Variants in SYS1 observed in about 807,000 individuals in gnomAD.
SYS1 encodes SYS1 golgi trafficking protein.
A neutral mutation model predicts 17.8 loss-of-function variants in SYS1; 8 were observed. The ratio of observed to expected loss-of-function variants is 0.45; its 90% CI spans 0.26 to 0.81. SYS1 has a LOEUF of 0.81. Among genes scored for constraint, SYS1 ranks in the 40% least tolerant of loss-of-function variants. The probability of loss-of-function intolerance (pLI) is 0.16; values close to 1 mark genes in which losing one functional copy is unlikely to be tolerated. For missense variants in SYS1, 161 were observed against 203.9 expected, an observed-to-expected ratio of 0.79 and a Z score of 1.28; for synonymous variants, 95 against 90.9, an observed-to-expected ratio of 1.05 and a Z score of -0.26.
chr20:45,367,510 C>A lies in SYS1; in HGVS notation c.*395C>A. 2.0e-6 allele frequency: 2 copies of A among 1,017,304 alleles called. No individual in the cohort carries two copies. The highest frequency in any genetic ancestry group is 2.4e-6 in the Non-Finnish European group (2 of 847,614). The allele number at this position is 1,017,304 out of a possible 1,614,324, so 63.0% of individuals were successfully genotyped here. On this transcript the variant is annotated 3_prime_UTR_variant, in exon 4 of 4. Coordinates refer to ENST00000243918, the MANE Select transcript of SYS1 (RefSeq NM_033542.4). ...TCTTACCCCCCTGGGACAGCTGTTA[C>A]CTTTGCAGTGTTGCCGAATCACAGC...
At chr20:45,373,622 G>A, downstream of SYS1, 4 of 452,922 alleles carry the variant, frequency 8.8e-6, no homozygotes, top group Non-Finnish European at 1.2e-5. Flanking sequence ...CCTCTTGCGA[G>A]CTCGCGGGGC....
At chr20:45,371,608 C>A (rs1988562499), downstream of SYS1, among the ~76,000 whole-genome samples, 1 of 152,226 alleles carries the variant, frequency 6.6e-6, no homozygotes, top group African/African-American at 2.4e-5. Flanking sequence ...GCCTGTCTGC[C>A]TCATCTGCTT....
At chr20:45,363,390 T>G in intron 1 of SYS1, 75 bp downstream of exon 1, 1 of 1,433,092 alleles carries the variant, frequency 7.0e-7, no homozygotes, top group Non-Finnish European at 9.2e-7. Flanking sequence ...CCCCTCACTC[T>G]GAGAATGGGT....
At chr20:45,373,557 A>G (rs540359483), downstream of SYS1, 1 of 325,508 alleles carries the variant, frequency 3.1e-6, no homozygotes, top group South Asian at 4.2e-5. Flanking sequence ...TGCTCCTGCC[A>G]CTTTCTAGCT....
downstream of SYS1, among the ~76,000 whole-genome samples, chr20:45,371,703 G>T (rs1439404751): frequency 6.6e-6 from 1 of 152,336 alleles, no homozygotes; most frequent in East Asian, 1.9e-4. Flanking sequence ...TTAGCAAAAG[G>T]TTGTGAATGT....
chr20:45,373,938 T>G (rs1464623861), downstream of SYS1: 1 of 1,613,978 alleles, frequency 6.2e-7, no homozygotes. Flanking sequence ...TCGCCACCCA[T>G]TCCTCCCCTT....
chr20:45,365,525 G>A (rs764650258), intron 2 of SYS1, 94 bp from the exon 3 acceptor site: 2 of 1,214,922 alleles, frequency 1.6e-6, no homozygotes, highest in Non-Finnish European at 2.5e-6. Context: ...TCTGTGCTCT[G>A]GGAAGAATGC....
At chr20:45,373,711 C>A (rs1265754000), downstream of SYS1, 1 of 547,184 alleles carries the variant, frequency 1.8e-6, no homozygotes, top group Non-Finnish European at 3.1e-6. Flanking sequence ...GACTAGCTCG[C>A]GGAGGTGGGG....
exon 4 of SYS1, chr20:45,375,759 G>T: frequency 1.7e-6 from 1 of 603,868 alleles, no homozygotes; most frequent in Non-Finnish European, 2.9e-6. Flanking sequence ...GAAGGTGAAA[G>T]CCATGACTAG....
At chr20:45,373,735 C>T (rs1988628637), downstream of SYS1, 2 of 612,572 alleles carry the variant, frequency 3.3e-6, no homozygotes, top group Admixed American at 2.8e-5. Flanking sequence ...GGGTGCTGCT[C>T]GCTGGCTTCT....
chr20:45,363,522 C>A lies in SYS1; in HGVS notation c.-3-7C>A. ...CGCTGGCTGAGGCCCGGCTCGTGTC[C>A]CTGCAGGGCATGGCGGGTCAGTTCC... On this transcript the variant is annotated splice_region_variant and splice_polypyrimidine_tract_variant and intron_variant, in intron 1 of 3. Transcript: ENST00000243918. The A allele has an allele frequency of 1.3e-6, 2 of 1,589,800 alleles. No individual in the cohort carries two copies. Among genetic ancestry groups the A allele is most frequent in the Admixed American group, 1.8e-5 (1 of 57,092 alleles).
chr20:45,375,849 G>A (rs915618899), exon 4 of SYS1: 13 of 382,394 alleles, frequency 3.4e-5, no homozygotes, highest in Non-Finnish European at 5.2e-5. Context: ...ACTTCAGCTG[G>A]GAGGGTGAAC....
chr20:45,368,400 A>G lies in SYS1; in HGVS notation c.*1285A>G. 1 of 985,346 alleles carries G rather than the reference A, an allele frequency of 1.0e-6. No homozygotes were observed. Among genetic ancestry groups the G allele is most frequent in the Non-Finnish European group, 1.2e-6 (1 of 829,918 alleles). 61.0% of individuals were successfully genotyped at this position (985,346 alleles called of 1,614,324 possible). A position where few individuals can be genotyped will look rare whatever the true frequency, so the allele number is the denominator to read the frequency against. ...TTCAATGGAGCGGCACACAGTCTAG[A>G]CCCACTTCCGCATTGAAACCTTCAC... On this transcript the variant is annotated 3_prime_UTR_variant, in exon 4 of 4. Coordinates refer to ENST00000243918, the MANE Select transcript of SYS1 (RefSeq NM_033542.4).
upstream of SYS1, chr20:45,362,937 A>T: frequency 5.3e-6 from 1 of 187,112 alleles, no homozygotes. Context: ...CCTCTCCCCT[A>T]GCCGCCTTCC....
intron 3 of SYS1, 126 bp downstream of exon 3, chr20:45,365,812 G>A (rs571050447): frequency 4.4e-6 from 4 of 916,866 alleles, no homozygotes; most frequent in Admixed American, 3.5e-5. Context: ...GGGTGACAGA[G>A]GCCAGTTCTG....
intron 2 of SYS1, among the ~76,000 whole-genome samples, chr20:45,364,099 T>C (rs1988320948): frequency 6.6e-6 from 1 of 152,206 alleles, no homozygotes; most frequent in Non-Finnish European, 1.5e-5. Context: ...TAAGATCCAC[T>C]TACTAGCTGT....
In SYS1 at chr20:45,368,379, A is replaced by G. The variant is rs1402661335; in HGVS notation, c.*1264A>G. 1.1e-5 allele frequency: 11 copies of G among 985,320 alleles called. No individual in the cohort carries two copies. Among genetic ancestry groups the G allele is most frequent in the Middle Eastern group, 5.2e-4 (1 of 1,936 alleles). 61.0% of individuals were successfully genotyped at this position (985,320 alleles called of 1,614,324 possible). ...TGCTAGTGATTTCTGAACATGTTCAATGGAGCGGCACACAGTCTAGACCCA... is the reference window on the plus strand; with the variant it reads ...TGCTAGTGATTTCTGAACATGTTCAGTGGAGCGGCACACAGTCTAGACCCA... On this transcript the variant is annotated 3_prime_UTR_variant, in exon 4 of 4. Coordinates refer to ENST00000243918, the MANE Select transcript of SYS1 (RefSeq NM_033542.4).
intron 2 of SYS1, 44 bp downstream of exon 2, chr20:45,363,737 A>G (rs1438519789): frequency 6.5e-7 from 1 of 1,535,100 alleles, no homozygotes; most frequent in Admixed American, 2.0e-5. Flanking sequence ...GGCCTCCCCG[A>G]GTAGGCTTTG....
At chr20:45,374,681 C>G (rs868745193) in exon 4 of SYS1, 17 of 426,576 alleles carry the variant, frequency 4.0e-5, no homozygotes, top group Non-Finnish European at 6.2e-5. Context: ...CCATCTCCCC[C>G]CTCCCACATT....
Sources: allele counts gnomAD v4.1 joint callset (sites outside exome capture counted in the v4.1 genomes callset), GRCh38; gene constraint gnomAD v4.1.1; transcripts MANE v1.5; gene names NCBI Gene and HGNC (gene_info 2026-07-23, HGNC 2026-07-21).